Variants in NDUFAF6 observed in about 807,000 individuals in gnomAD.
The protein encoded by NDUFAF6 is NADH dehydrogenase (ubiquinone) complex I, assembly factor 6.
A neutral mutation model predicts 40.8 loss-of-function variants in NDUFAF6; 45 were observed. The observed-to-expected ratio is 1.10, with a 90% CI of 0.87 to 1.42. NDUFAF6 has a LOEUF of 1.42. Among genes scored for constraint, NDUFAF6 ranks in the 40% most tolerant of loss-of-function variants. The pLI, the probability that NDUFAF6 is intolerant of heterozygous loss-of-function variation, is 0.00. For synonymous variants in NDUFAF6, 185 were observed against 155.9 expected, an observed-to-expected ratio of 1.19 and a Z score of -1.39; for missense variants, 435 against 418.5, an observed-to-expected ratio of 1.04 and a Z score of -0.34.
At chr8:95,116,252 T>G (rs1412084294) in intron 5 of NDUFAF6, 1 of 150,546 alleles carries the variant, frequency 6.6e-6, no homozygotes, top group African/African-American at 2.4e-5. Context: ...TTTTTAAAGT[T>G]TTTTTTTTTT....
chr8:94,981,041 T>A, intron 2 of NDUFAF6: 1 of 452,306 alleles, frequency 2.2e-6, no homozygotes, highest in East Asian at 7.0e-5. Context: ...CACCCCAGTA[T>A]TACCATGGTT....
rs897029989 is a variant in NDUFAF6 at position 95,025,100 on chromosome 8, C to A, written c.92C>A (p.Ala31Glu). ...CCRRPPLGLY[A>E]RMRRLPGPEV... is the part of the protein sequence containing the mutation. ...CGCCGGCCGCCTCTGGGTCTGTACG[C>A]GCGCATGCGGCGGCTGCCCGGGCCG... Residue 31 changes from alanine (A) to glutamate (E), a missense_variant, in exon 1 of 9, where the codon GCG becomes GAG. Coordinates refer to ENST00000396124, the MANE Select transcript of NDUFAF6 (RefSeq NM_152416.4). 1 of 1,484,114 alleles carries A rather than the reference C, an allele frequency of 6.7e-7. No homozygotes were observed. Among genetic ancestry groups the A allele is most frequent in the Non-Finnish European group, 8.9e-7 (1 of 1,127,854 alleles). 91.9% of individuals were successfully genotyped at this position (1,484,114 alleles called of 1,614,324 possible). A position where few individuals can be genotyped will look rare whatever the true frequency, so the allele number is the denominator to read the frequency against.
intron 1 of NDUFAF6, among the ~76,000 whole-genome samples, chr8:94,919,753 A>G (rs1238755283): frequency 6.6e-6 from 1 of 152,218 alleles, no homozygotes; most frequent in East Asian, 1.9e-4. Context: ...AACATGCAGC[A>G]GGAGAGCCCT....
chr8:95,056,465 G>A (rs937847731), intron 8 of NDUFAF6, among the ~76,000 whole-genome samples: 4 of 151,742 alleles, frequency 2.6e-5, no homozygotes, highest in African/African-American at 9.7e-5. Context: ...CACCTGCCTC[G>A]GTCTCCCAAA....
rs536969657 is a variant in NDUFAF6, at chr8:95,084,002, G to GA, written n.213+8258dup. 7.9e-5 allele frequency among the ~76,000 whole-genome samples: 12 copies of GA among 151,742 alleles called. No individual in the cohort carries two copies. The South Asian group carries it at 1.2e-3, about 16-fold the overall frequency. ...AGGACTTCTGTTGTAGATAAAATCT[G>GA]AAAAAAAATGTGTCACATTTTAGAA... is the stretch of plus-strand genomic sequence containing the variant. On this transcript the variant is annotated intron_variant and non_coding_transcript_variant, in intron 2 of 5. Transcript: ENST00000523184.
chr8:95,033,530 CAT>C (rs1333744760), intron 2 of NDUFAF6, among the ~76,000 whole-genome samples: 2 of 152,182 alleles, frequency 1.3e-5, no homozygotes. Context: ...ACCCACGTGA[CAT>C]AAAACAGGGT....
rs181955536 is a variant in NDUFAF6, at chr8:94,947,182, C to T, written c.-799+1563C>T. ...ATTCCAATTCCTTGTTTTCCCTATA[C>T]ATGCTCTTTTAGGCTCCCAGTCTCA... On this transcript the variant is annotated intron_variant, in intron 2 of 14. Coordinates refer to the NDUFAF6 transcript ENST00000396113. Among the ~76,000 whole-genome samples, 37 of 151,972 alleles carry T rather than the reference C, an allele frequency of 2.4e-4. No individual in the cohort carries two copies. In the East Asian group the frequency reaches 6.6e-3, roughly 27 times the overall value.
At chr8:95,053,674 AGAGTGCAGTG>A (rs981485785) in intron 8 of NDUFAF6, among the ~76,000 whole-genome samples, 3 of 150,516 alleles carry the variant, frequency 2.0e-5, no homozygotes, top group Admixed American at 1.3e-4. Context: ...TGCCCAGCCT[AGAGTGCAGTG>A]GTGTGATCTT....
chr8:95,089,840 T>C (rs1809190367), intron 2 of NDUFAF6, among the ~76,000 whole-genome samples: 1 of 152,172 alleles, frequency 6.6e-6, no homozygotes, highest in African/African-American at 2.4e-5. Context: ...CCCAGAGAGG[T>C]TGAAAAATAT....
upstream of NDUFAF6, among the ~76,000 whole-genome samples, chr8:95,095,961 G>A (rs912087202): frequency 3.3e-5 from 5 of 152,106 alleles, no homozygotes; most frequent in African/African-American, 4.8e-5. Context: ...CACCGTGCCC[G>A]GCTGATTTCG....
chr8:95,050,622 A>G (rs1310146779), intron 7 of NDUFAF6, among the ~76,000 whole-genome samples: 2 of 152,198 alleles, frequency 1.3e-5, no homozygotes, highest in Admixed American at 6.5e-5. Flanking sequence ...TACATGAAAT[A>G]TGTTAGTTTT....
At chr8:94,896,206 C>G (rs1332420104) in intron 1 of NDUFAF6, among the ~76,000 whole-genome samples, 4 of 150,790 alleles carry the variant, frequency 2.7e-5, no homozygotes, top group African/African-American at 9.7e-5. Flanking sequence ...CCCCGGGGAC[C>G]TGGCCGGGTG....
At chr8:95,009,351 C>T (rs948687532) in intron 2 of NDUFAF6, among the ~76,000 whole-genome samples, 6 of 91,948 alleles carry the variant, frequency 6.5e-5, no homozygotes, top group African/African-American at 2.6e-4. Flanking sequence ...CACATAATTG[C>T]CTTTGATTTG....
At chr8:94,924,754 G>GTT (rs869180556) in intron 1 of NDUFAF6, among the ~76,000 whole-genome samples, 2 of 150,708 alleles carry the variant, frequency 1.3e-5, no homozygotes, top group African/African-American at 2.5e-5. Context: ...GTTTTGTTTT[G>GTT]TTTTTTGAGA....
intron 1 of NDUFAF6, among the ~76,000 whole-genome samples, chr8:94,923,263 G>A (rs1377686853): frequency 6.6e-6 from 1 of 152,162 alleles, no homozygotes; most frequent in Non-Finnish European, 1.5e-5. Flanking sequence ...GCTATATAGA[G>A]TCTGTGGAAC....
chr8:95,084,391 A>G (rs976269159), intron 2 of NDUFAF6, among the ~76,000 whole-genome samples: 7 of 152,232 alleles, frequency 4.6e-5, no homozygotes, highest in Admixed American at 6.5e-5. Flanking sequence ...TTTTAATACT[A>G]GAAAACGTCA....
intron 1 of NDUFAF6, among the ~76,000 whole-genome samples, chr8:94,967,434 A>C (rs1289720588): frequency 6.6e-6 from 1 of 152,142 alleles, no homozygotes; most frequent in Admixed American, 6.5e-5. Flanking sequence ...TTCATTCCAA[A>C]ATATTTCTGA....
At chr8:94,930,796 C>T (rs1055175911) in intron 1 of NDUFAF6, 25 of 1,534,010 alleles carry the variant, frequency 1.6e-5, no homozygotes, top group Admixed American at 6.0e-5. Context: ...GGAAAAGTTA[C>T]TTAGCAATTC....
chr8:95,087,689 G>C (rs1809094817), intron 2 of NDUFAF6: 1 of 152,086 alleles, frequency 6.6e-6, no homozygotes, highest in Non-Finnish European at 1.5e-5. Context: ...TCCTTCCCTT[G>C]TCCTTCTACT....
Sources: gnomAD v4.1 joint callset for allele counts (sites outside exome capture counted in the v4.1 genomes callset) on GRCh38, gnomAD v4.1.1 for gene constraint, MANE v1.5 for transcripts, NCBI Gene and HGNC (gene_info 2026-07-23, HGNC 2026-07-21) for gene names.